Variants in ENOSF1 observed in about 807,000 individuals in gnomAD.
ENOSF1 encodes the protein enolase superfamily member 1.
Under a neutral mutation model 68.2 loss-of-function variants are expected in ENOSF1, and 73 were observed. The ratio of observed to expected loss-of-function variants is 1.07; its 90% CI spans 0.89 to 1.30. ENOSF1 has a LOEUF of 1.30. Among genes scored for constraint, ENOSF1 ranks in the 50% most tolerant of loss-of-function variants. The pLI, the probability that ENOSF1 is intolerant of heterozygous loss-of-function variation, is 0.00. For missense variants in ENOSF1, 589 were observed against 554.5 expected, an observed-to-expected ratio of 1.06 and a Z score of -0.62; for synonymous variants, 223 against 210.4, an observed-to-expected ratio of 1.06 and a Z score of -0.52.
chr18:712,614 C>A lies in ENOSF1; in HGVS notation c.-27G>T. 10 of 1,529,378 alleles carry A rather than the reference C, an allele frequency of 6.5e-6. No homozygotes were observed. The highest frequency in any genetic ancestry group is 8.7e-6 in the Non-Finnish European group (10 of 1,143,100). The allele number at this position is 1,529,378 out of a possible 1,614,324, so 94.7% of individuals were successfully genotyped here. ...GCCCCTGCGCCCCGTGGCCGCGGCC[C>A]CCGTGCGGTCAGGACTGGTCGGGAT... On this transcript the variant is annotated 5_prime_UTR_variant, in exon 1 of 16. Coordinates refer to ENST00000647584, the MANE Select transcript of ENOSF1 (RefSeq NM_017512.7).
At chr18:668,654 C>G (rs552872862), downstream of ENOSF1, among the ~76,000 whole-genome samples, 5 of 152,304 alleles carry the variant, frequency 3.3e-5, no homozygotes, top group South Asian at 1.0e-3. Flanking sequence ...ATACAACACT[C>G]TCTGTGAGAC....
At chr18:697,877 T>C (rs560675265) in intron 2 of ENOSF1, among the ~76,000 whole-genome samples, 68 of 152,328 alleles carry the variant, frequency 4.5e-4, no homozygotes, top group African/African-American at 1.6e-3. Flanking sequence ...CACCGCAACC[T>C]TGACCTCCCC....
In ENOSF1 at chr18:712,608, G is replaced by T. The variant is rs757587075; in HGVS notation, c.-21C>A. On this transcript the variant is annotated 5_prime_UTR_variant, in exon 1 of 16. Coordinates refer to ENST00000647584, the MANE Select transcript of ENOSF1 (RefSeq NM_017512.7). ...ACCATGGCCCCTGCGCCCCGTGGCC[G>T]CGGCCCCCGTGCGGTCAGGACTGGT... is the stretch of plus-strand genomic sequence containing the variant. 1.3e-6 allele frequency: 2 copies of T among 1,531,626 alleles called. No individual in the cohort carries two copies. The highest frequency in any genetic ancestry group is 1.7e-6 in the Non-Finnish European group (2 of 1,143,632). The allele number at this position is 1,531,626 out of a possible 1,614,324, so 94.9% of individuals were successfully genotyped here.
chr18:666,897 TGATGGA>T (rs1188657352), downstream of ENOSF1, among the ~76,000 whole-genome samples: 967 of 48,170 alleles, frequency 0.02, 126 homozygotes, highest in East Asian at 0.071. Context: ...CGGGAGATGG[TGATGGA>T]GATGGTGATG....
downstream of ENOSF1, among the ~76,000 whole-genome samples, chr18:666,632 C>G (rs181982947): frequency 6.6e-6 from 1 of 152,186 alleles, no homozygotes; most frequent in Non-Finnish European, 1.5e-5. Context: ...TCACCTCCAG[C>G]CACCTGGAGG....
Position 675,324 on chromosome 18 carries a change from G to C in ENOSF1, c.1227C>G (p.Pro409=). Reference sequence around the variant, plus strand: ...GGGCCCTCAGGCCACAGCTTACCTTGGGAGGCATGTAGGAAGCCCGCTGGA... The same window carrying C: ...GGGCCCTCAGGCCACAGCTTACCTTCGGAGGCATGTAGGAAGCCCGCTGGA... The part of the protein sequence containing the change: ...VMIQRASYMP[P]KDPGYSTEMK... Residue 409 remains proline, a synonymous_variant, in exon 15 of 16, where the codon CCC becomes CCG. Transcript: ENST00000647584. 6.2e-7 allele frequency: 1 copy of C among 1,610,638 alleles called. No individual in the cohort carries two copies. Among genetic ancestry groups the C allele is most frequent in the Non-Finnish European group, 8.5e-7 (1 of 1,178,976 alleles).
At chr18:692,910 C>T in intron 5 of ENOSF1, 8 of 1,170,644 alleles carry the variant, frequency 6.8e-6, no homozygotes, top group Non-Finnish European at 8.6e-6. Context: ...GCCCAACACT[C>T]TTCAAGGCCA....
intron 15 of ENOSF1, among the ~76,000 whole-genome samples, chr18:674,923 C>CT (rs1056559060): frequency 6.6e-6 from 1 of 152,206 alleles, no homozygotes; most frequent in Non-Finnish European, 1.5e-5. Context: ...TCATCAAACT[C>CT]TTTGATAATA....
chr18:677,481 G>A, intron 13 of ENOSF1, 37 bp from the exon 14 acceptor site: 1 of 1,574,976 alleles, frequency 6.3e-7, no homozygotes, highest in South Asian at 1.1e-5. Context: ...ACCAAGAGTA[G>A]GGCAGGGAGA....
intron 3 of ENOSF1, 152 bp from the exon 4 acceptor site, chr18:694,486 C>T (rs1478321629): frequency 5.8e-6 from 4 of 689,198 alleles, no homozygotes; most frequent in Non-Finnish European, 9.6e-6. Flanking sequence ...GAGAAATGAG[C>T]CAGGTGTGGT....
downstream of ENOSF1, among the ~76,000 whole-genome samples, chr18:668,511 G>A (rs971793962): frequency 3.9e-5 from 6 of 152,204 alleles, no homozygotes; most frequent in Admixed American, 6.5e-5. Flanking sequence ...TTCCAAGTCA[G>A]TCGTGTGTTG....
chr18:690,574 C>T lies in ENOSF1; in HGVS notation c.593G>A (p.Gly198Glu). 5.6e-6 allele frequency: 9 copies of T among 1,614,176 alleles called. No individual in the cohort carries two copies. Among genetic ancestry groups the T allele is most frequent in the South Asian group, 1.1e-5 (1 of 91,080 alleles). Residue 198 changes from glycine (G) to glutamate (E), a missense_variant, in exon 8 of 16, where the codon GGG (glycine) becomes GAG (glutamate). Physicochemically the swap from Gly to Glu is moderately conservative, Grantham distance 98. Transcript: ENST00000647584. ...PAYTTSCAWLGYSDDTLKQLC... is the reference protein window; with the variant it reads ...PAYTTSCAWLEYSDDTLKQLC... ...CTGCTTCAACGTGTCATCTGAGTAC[C>T]CCAGCCAGGCGCACGATGTCGTGTA...
At chr18:668,968 G>C (rs1290021298), downstream of ENOSF1, 4 of 931,940 alleles carry the variant, frequency 4.3e-6, no homozygotes, top group Middle Eastern at 2.2e-4. Flanking sequence ...CATGGGTCAA[G>C]GGGGGACCCT....
intron 11 of ENOSF1, among the ~76,000 whole-genome samples, chr18:681,550 G>A (rs2076077490): frequency 6.6e-6 from 1 of 152,166 alleles, no homozygotes; most frequent in African/African-American, 2.4e-5. Flanking sequence ...GTTTCCCCGG[G>A]GCTCCTCACC....
Position 671,664 on chromosome 18 carries a change from G to A in ENOSF1, c.*2641C>T. The A allele has an allele frequency of 1.7e-6, 1 of 577,708 alleles. No homozygotes were observed. Among genetic ancestry groups the A allele is most frequent in the Non-Finnish European group, 3.0e-6 (1 of 330,978 alleles). 35.8% of individuals were successfully genotyped at this position (577,708 alleles called of 1,614,324 possible). ...GCACTTAACATGTCAGGTGCTGTGA[G>A]GTACTAAGCACCAGTACCAGAGAGG... On this transcript the variant is annotated 3_prime_UTR_variant, in exon 16 of 16. Transcript: ENST00000647584.
intron 3 of ENOSF1, among the ~76,000 whole-genome samples, chr18:695,002 G>A (rs1338242226): frequency 1.3e-5 from 2 of 152,076 alleles, no homozygotes; most frequent in African/African-American, 4.8e-5. Context: ...ATCACACTCA[G>A]GGAATATAAC....
At position 670,740 on chromosome 18, in the gene ENOSF1, A is replaced by C; in HGVS notation, c.*3565T>G. 1 of 1,613,888 alleles carries C rather than the reference A, an allele frequency of 6.2e-7. No homozygotes were observed. Among genetic ancestry groups the C allele is most frequent in the Non-Finnish European group, 8.5e-7 (1 of 1,179,994 alleles). ...CCATGCCATGCCCTCTGCCAGTTCTATGTGGTGAACAGTGAGCTGTCCTGC... is the reference window on the plus strand; with the variant it reads ...CCATGCCATGCCCTCTGCCAGTTCTCTGTGGTGAACAGTGAGCTGTCCTGC... On this transcript the variant is annotated 3_prime_UTR_variant, in exon 16 of 16. Coordinates refer to ENST00000647584, the MANE Select transcript of ENOSF1 (RefSeq NM_017512.7).
At position 711,782 on chromosome 18, in the gene ENOSF1, T is replaced by A. The variant is rs1239476165; in HGVS notation, c.84+722A>T. ...AACTGACATTTGCATCAGTCCTTTC[T>A]AAGCGTGTTTGCGGGTAATTTCACG... On this transcript the variant is annotated intron_variant, in intron 1 of 15. Transcript: ENST00000647584. Among the ~76,000 whole-genome samples, 23 of 152,246 alleles carry A rather than the reference T, an allele frequency of 1.5e-4. 1 individual carries two copies. The highest frequency in any genetic ancestry group is 6.5e-4 in the Admixed American group (10 of 15,284).
chr18:684,106 G>C (rs1201338071), intron 10 of ENOSF1, among the ~76,000 whole-genome samples: 1 of 151,758 alleles, frequency 6.6e-6, no homozygotes, highest in African/African-American at 2.4e-5. Context: ...CCATTCTCCT[G>C]CCTCAGCCTC....
Sources: gnomAD v4.1 joint callset for allele counts (sites outside exome capture counted in the v4.1 genomes callset) on GRCh38, gnomAD v4.1.1 for gene constraint, MANE v1.5 for transcripts, NCBI Gene and HGNC (gene_info 2026-07-23, HGNC 2026-07-21) for gene names.